MXI1: variants seen among roughly 807,000 people sequenced by gnomAD.
The protein encoded by MXI1 is max-interacting protein 1.
A neutral mutation model predicts 36.9 loss-of-function variants in MXI1; 18 were observed. The observed-to-expected ratio is 0.49, with a 90% confidence interval of 0.34 to 0.72. MXI1 has a LOEUF of 0.72. Among genes scored for constraint, MXI1 ranks in the 30% least tolerant of loss-of-function variants. MXI1 has a pLI of 0.01. For missense variants in MXI1, 304 were observed against 379.1 expected (o/e 0.80, Z 1.64); for synonymous variants, 160 against 146.7 (o/e 1.09, Z -0.65).
chr10:110,264,117 TC>T (rs1856608017), intron 3 of MXI1, among the ~76,000 whole-genome samples: 1 of 152,130 alleles, frequency 6.6e-6, no homozygotes, highest in South Asian at 2.1e-4. Context: ...CATATACACA[TC>T]TTTTTTTCCA....
intron 1 of MXI1, among the ~76,000 whole-genome samples, chr10:110,221,205 GC>G (rs1269985231): frequency 6.6e-6 from 1 of 152,174 alleles, no homozygotes. Context: ...AAAGGAATGG[GC>G]CCCACGGGTT....
intron 3 of MXI1, among the ~76,000 whole-genome samples, chr10:110,248,310 C>T (rs1283245210): frequency 2.6e-5 from 4 of 151,902 alleles, no homozygotes; most frequent in African/African-American, 9.7e-5. Context: ...CTAATCTGCA[C>T]GTTGTGCACA....
At chr10:110,270,886 C>G (rs1344813511) in intron 3 of MXI1, among the ~76,000 whole-genome samples, 1 of 151,854 alleles carries the variant, frequency 6.6e-6, no homozygotes, top group Non-Finnish European at 1.5e-5. Flanking sequence ...GCTCAGGAGT[C>G]CGAAACCACC....
intron 2 of MXI1, among the ~76,000 whole-genome samples, chr10:110,229,465 A>G (rs573557550): frequency 6.6e-6 from 1 of 152,260 alleles, no homozygotes; most frequent in African/African-American, 2.4e-5. Context: ...ACAGATAATA[A>G]TTGGAACTCA....
intron 3 of MXI1, among the ~76,000 whole-genome samples, chr10:110,272,854 G>A (rs1015346718): frequency 1.3e-5 from 2 of 151,882 alleles, no homozygotes; most frequent in African/African-American, 4.8e-5. Flanking sequence ...ATTTTCCTAA[G>A]TTTTTATTTC....
chr10:110,277,591 A>T (rs1857080708), intron 3 of MXI1, among the ~76,000 whole-genome samples: 1 of 152,220 alleles, frequency 6.6e-6, no homozygotes, highest in Non-Finnish European at 1.5e-5. Context: ...GTGACTTTGA[A>T]GTTGTTAAAT....
rs12243499 is a variant in MXI1, at chr10:110,247,831, A to C, written c.437+2974A>C. Among the ~76,000 whole-genome samples the C allele has an allele frequency of 8.1e-3, 1,232 of 152,284 alleles. 20 individuals are homozygous for C. The highest frequency in any genetic ancestry group is 0.028 in the African/African-American group (1,159 of 41,568). On this transcript the variant is annotated intron_variant, in intron 3 of 5. Transcript: ENST00000332674. ...AACTAGAAATACCATTTGACCCAGC[A>C]ATCGCATTACTGGGTATATACCAAA...
At chr10:110,278,095 T>C (rs1416543217) in intron 3 of MXI1, among the ~76,000 whole-genome samples, 1 of 152,224 alleles carries the variant, frequency 6.6e-6, no homozygotes, top group Non-Finnish European at 1.5e-5. Context: ...TGAACGTATT[T>C]GTGGATTTTC....
At chr10:110,210,571 C>G (rs958059931) in intron 1 of MXI1, among the ~76,000 whole-genome samples, 2 of 152,148 alleles carry the variant, frequency 1.3e-5, no homozygotes, top group African/African-American at 4.8e-5. Context: ...CTCCGTGCGA[C>G]CATCCGCCAG....
intron 3 of MXI1, among the ~76,000 whole-genome samples, chr10:110,270,917 C>T (rs781419800): frequency 6.6e-6 from 1 of 151,932 alleles, no homozygotes; most frequent in Non-Finnish European, 1.5e-5. Context: ...TGGTGAAACC[C>T]CGTCTCTAGT....
At position 110,216,792 on chromosome 10, in the gene MXI1, G is replaced by A. The variant is rs149421959; in HGVS notation, c.274+8710G>A. On this transcript the variant is annotated intron_variant, in intron 1 of 5. Coordinates refer to ENST00000332674, the MANE Select transcript of MXI1 (RefSeq NM_130439.3). ...AGTGATCCTCCTGCCTCAGCCTCCC[G>A]AGTAGCTGGGACTATAGGTGTGTGC... is the stretch of plus-strand genomic sequence containing the variant. Among the ~76,000 whole-genome samples, 52 of 146,440 alleles carry A rather than the reference G, an allele frequency of 3.6e-4. 1 individual carries two copies. The East Asian group carries it at 9.9e-3, about 28-fold the overall frequency.
intron 3 of MXI1, among the ~76,000 whole-genome samples, chr10:110,249,997 C>T (rs1856016703): frequency 6.6e-6 from 1 of 152,106 alleles, no homozygotes; most frequent in African/African-American, 2.4e-5. Context: ...TGTTGAGGTT[C>T]ATACTACCAG....
In MXI1 at chr10:110,208,042, G is replaced by T; in HGVS notation, c.234G>T (p.Glu78Asp). Residue 78 changes from glutamate to aspartate, a missense_variant, in exon 1 of 6, where the codon GAG becomes GAT. Glu to Asp is a conservative substitution (Grantham distance 45). Transcript: ENST00000332674. ...TFLQNVQILL[E>D]AASYLEQIEK... ...TGCAGAACGTGCAGATTCTGCTCGA[G>T]GCCGCCAGCTACCTGGAGCAGATCG... 6.2e-7 allele frequency: 1 copy of T among 1,602,248 alleles called. No homozygotes were observed. Among genetic ancestry groups the T allele is most frequent in the Admixed American group, 1.7e-5 (1 of 58,530 alleles).
At chr10:110,246,800 A>ATC (rs145779567) in intron 3 of MXI1, among the ~76,000 whole-genome samples, 7,963 of 152,226 alleles carry the variant, frequency 0.052, 308 homozygotes, top group Middle Eastern at 0.15. Context: ...GTTTTAAAGA[A>ATC]TCTTTTCTGC....
chr10:110,258,191 G>A (rs2134423149), intron 3 of MXI1, among the ~76,000 whole-genome samples: 1 of 152,174 alleles, frequency 6.6e-6, no homozygotes, highest in East Asian at 1.9e-4. Context: ...CCAGTTTTCT[G>A]GATTTTATTT....
At chr10:110,239,324 G>T (rs1855582723) in intron 2 of MXI1, among the ~76,000 whole-genome samples, 1 of 152,140 alleles carries the variant, frequency 6.6e-6, no homozygotes, top group Non-Finnish European at 1.5e-5. Flanking sequence ...AGTTTAGTTT[G>T]TTCCTTTTTC....
intron 2 of MXI1, among the ~76,000 whole-genome samples, chr10:110,234,950 C>T (rs1855404521): frequency 6.6e-6 from 1 of 152,076 alleles, no homozygotes; most frequent in South Asian, 2.1e-4. Flanking sequence ...ATTTTAAATT[C>T]TTAACATTTT....
chr10:110,221,128 G>A (rs1325202889), intron 1 of MXI1, among the ~76,000 whole-genome samples: 1 of 152,186 alleles, frequency 6.6e-6, no homozygotes, highest in East Asian at 1.9e-4. Flanking sequence ...CCTTGGGGAA[G>A]AATGAACCAT....
chr10:110,282,460 C>CATA (rs755176310), intron 5 of MXI1, among the ~76,000 whole-genome samples: 1 of 152,194 alleles, frequency 6.6e-6, no homozygotes, highest in African/African-American at 2.4e-5. Context: ...GTACATGCTA[C>CATA]ATTTATCAGT....
Sources: allele counts gnomAD v4.1 joint callset (sites outside exome capture counted in the v4.1 genomes callset), GRCh38; gene constraint gnomAD v4.1.1; transcripts MANE v1.5; gene names NCBI Gene and HGNC (gene_info 2026-07-23, HGNC 2026-07-21).